The following PPFIBP1 variants were observed in gnomAD, a reference collection of about 807,000 sequenced individuals.
The protein encoded by PPFIBP1 is liprin-beta-1.
PPFIBP1 carries 112 observed loss-of-function variants against 137.8 expected under a neutral mutation model. The ratio of observed to expected loss-of-function variants is 0.81; its 90% CI spans 0.70 to 0.95. The LOEUF is 0.95. Ranked by LOEUF, PPFIBP1 falls within the 40% of genes least tolerant of loss-of-function variation. The pLI is 0.00. For missense variants in PPFIBP1, 1,083 were observed against 1,196.6 expected, an observed-to-expected ratio of 0.91 and a Z score of 1.40; for synonymous variants, 378 against 417.3, an observed-to-expected ratio of 0.91 and a Z score of 1.15.
intron 1 of PPFIBP1, among the ~76,000 whole-genome samples, chr12:27,573,358 T>C (rs2050293329): frequency 6.6e-6 from 1 of 152,138 alleles, no homozygotes; most frequent in East Asian, 1.9e-4. Context: ...GCTTCATGAT[T>C]TGGGCAAGAT....
chr12:27,620,067 C>T (rs1480600770), intron 2 of PPFIBP1, among the ~76,000 whole-genome samples: 1 of 151,782 alleles, frequency 6.6e-6, no homozygotes, highest in Non-Finnish European at 1.5e-5. Context: ...CACACCCTGA[C>T]CCGAGCCACC....
chr12:27,630,623 T>A (rs1021765217), intron 2 of PPFIBP1, among the ~76,000 whole-genome samples: 6 of 152,214 alleles, frequency 3.9e-5, no homozygotes, highest in African/African-American at 9.6e-5. Context: ...AATGTTATTT[T>A]AAAAAATTGT....
intron 1 of PPFIBP1, among the ~76,000 whole-genome samples, chr12:27,550,441 A>G (rs1162238377): frequency 1.3e-5 from 2 of 152,236 alleles, no homozygotes; most frequent in Admixed American, 1.3e-4. Flanking sequence ...GTTAAGTCAT[A>G]TGTAAATTTT....
chr12:27,647,062 C>A (rs2058555314), intron 5 of PPFIBP1, among the ~76,000 whole-genome samples: 1 of 152,204 alleles, frequency 6.6e-6, no homozygotes, highest in African/African-American at 2.4e-5. Context: ...AGTGCAGTGG[C>A]ACAATCTTGG....
chr12:27,663,431 C>T (rs572183588), intron 11 of PPFIBP1, among the ~76,000 whole-genome samples: 1 of 152,164 alleles, frequency 6.6e-6, no homozygotes, highest in South Asian at 2.1e-4. Flanking sequence ...GGAAGTTCAA[C>T]AGCTATCTGG....
intron 8 of PPFIBP1, chr12:27,655,146 T>G: frequency 4.6e-6 from 7 of 1,532,612 alleles, no homozygotes; most frequent in Non-Finnish European, 6.1e-6. Context: ...CTACCAGTCT[T>G]TAATGGCCAA....
intron 2 of PPFIBP1, among the ~76,000 whole-genome samples, chr12:27,589,051 G>A (rs2052138726): frequency 1.3e-5 from 2 of 152,144 alleles, no homozygotes; most frequent in African/African-American, 4.8e-5. Context: ...GGTATTAGTA[G>A]GTAGCAGGAA....
intron 2 of PPFIBP1, among the ~76,000 whole-genome samples, chr12:27,603,115 C>G (rs932854526): frequency 7.2e-5 from 11 of 152,190 alleles, no homozygotes; most frequent in Non-Finnish European, 2.9e-5. Flanking sequence ...CTACAGTCCT[C>G]TCCTCGCTCT....
chr12:27,545,818 G>A (rs306664), intron 1 of PPFIBP1, among the ~76,000 whole-genome samples: 71,363 of 152,014 alleles, frequency 0.47, 17,706 homozygotes, highest in East Asian at 0.71. Context: ...AAATTGGTGT[G>A]CTGTTTAAAG....
intron 1 of PPFIBP1, among the ~76,000 whole-genome samples, chr12:27,564,425 T>C (rs1303671325): frequency 1.3e-5 from 2 of 152,218 alleles, no homozygotes; most frequent in Admixed American, 6.5e-5. Context: ...CTCTGAGCCC[T>C]TTTCATTATG....
chr12:27,649,377 C>T (rs973766731), intron 6 of PPFIBP1, among the ~76,000 whole-genome samples: 4 of 152,080 alleles, frequency 2.6e-5, no homozygotes, highest in African/African-American at 4.8e-5. Flanking sequence ...TTGTTACAAC[C>T]GGTGCCTGGC....
chr12:27,669,501 G>A (rs893792685), intron 13 of PPFIBP1, among the ~76,000 whole-genome samples: 2 of 152,142 alleles, frequency 1.3e-5, no homozygotes, highest in Non-Finnish European at 2.9e-5. Flanking sequence ...GAGGGTTGAG[G>A]GAGTTCAGCG....
At chr12:27,607,383 G>A (rs1030540124) in intron 2 of PPFIBP1, among the ~76,000 whole-genome samples, 4 of 152,156 alleles carry the variant, frequency 2.6e-5, no homozygotes, top group Non-Finnish European at 4.4e-5. Flanking sequence ...ACTTAGATAT[G>A]GACTGCAATG....
chr12:27,558,694 G>A (rs1257723880), intron 1 of PPFIBP1, among the ~76,000 whole-genome samples: 1 of 151,992 alleles, frequency 6.6e-6, no homozygotes, highest in Non-Finnish European at 1.5e-5. Context: ...CAAAGTGGAA[G>A]CATAAAGAAT....
intron 16 of PPFIBP1, 126 bp from the exon 17 acceptor site, chr12:27,674,066 T>C: frequency 4.5e-6 from 4 of 892,416 alleles, no homozygotes; most frequent in Non-Finnish European, 6.9e-6. Context: ...AAATAAACAA[T>C]ACTAAGATTT....
chr12:27,576,492 T>C (rs1392324589), intron 1 of PPFIBP1, among the ~76,000 whole-genome samples: 1 of 152,114 alleles, frequency 6.6e-6, no homozygotes, highest in Non-Finnish European at 1.5e-5. Context: ...CTCATGGAAG[T>C]GTAGGTGCCC....
chr12:27,627,484 G>A (rs756789987), intron 2 of PPFIBP1, among the ~76,000 whole-genome samples: 10 of 152,078 alleles, frequency 6.6e-5, no homozygotes, highest in Non-Finnish European at 1.2e-4. Flanking sequence ...TATCTATCTT[G>A]GGTAAGAAGT....
intron 1 of PPFIBP1, among the ~76,000 whole-genome samples, chr12:27,573,254 A>G (rs1244504985): frequency 6.6e-6 from 1 of 152,226 alleles, no homozygotes; most frequent in Non-Finnish European, 1.5e-5. Flanking sequence ...ACATTAATAC[A>G]TGATTAAATA....
intron 2 of PPFIBP1, among the ~76,000 whole-genome samples, chr12:27,604,072 G>C (rs1490907180): frequency 6.6e-6 from 1 of 152,134 alleles, no homozygotes; most frequent in Non-Finnish European, 1.5e-5. Context: ...AGTTCTCTAG[G>C]GGACTATAAA....
Sources: allele counts gnomAD v4.1 joint callset (sites outside exome capture counted in the v4.1 genomes callset), GRCh38; gene constraint gnomAD v4.1.1; transcripts MANE v1.5; gene names NCBI Gene and HGNC (gene_info 2026-07-23, HGNC 2026-07-21).